The following NEK11 variants were observed in gnomAD, a reference collection of about 807,000 sequenced individuals.
NEK11 encodes the protein NIMA related kinase 11.
NEK11 carries 72 observed loss-of-function variants against 80.7 expected under a neutral mutation model. The ratio of observed to expected loss-of-function variants is 0.89; its 90% CI spans 0.74 to 1.08. The LOEUF (loss-of-function observed/expected upper bound fraction) is 1.08. Among genes scored for constraint, NEK11 ranks in the 50% least tolerant of loss-of-function variants. The probability of loss-of-function intolerance (pLI) is 0.00; values close to 1 mark genes in which losing one functional copy is unlikely to be tolerated. For synonymous variants in NEK11, 251 were observed against 260.7 expected (o/e 0.96, Z 0.36); for missense variants, 764 against 763.6 (o/e 1.00, Z -0.01).
At chr3:131,216,331 T>C (rs1412120178) in intron 14 of NEK11, among the ~76,000 whole-genome samples, 4 of 152,192 alleles carry the variant, frequency 2.6e-5, no homozygotes, top group Admixed American at 2.6e-4. Context: ...GATCTGGGAA[T>C]GTGGGTTGCA....
Position 131,115,944 on chromosome 3 carries a change from T to TTCTTTCTTTCTTTCTTTCTTTCTTTC in NEK11, c.455+6025_455+6050dup, listed in dbSNP as rs1352663402. ...TTTCTTTCTTTCTTTCTTTCTTTCT[T>TTCTTTCTTTCTTTCTTTCTTTCTTTC]TCTTTCTTTCTTTCTTTCTTTCTTT... is the stretch of plus-strand genomic sequence containing the variant. On this transcript the variant is annotated intron_variant, in intron 5 of 17. Transcript: ENST00000383366. 8.3e-4 allele frequency among the ~76,000 whole-genome samples: 101 copies of TTCTTTCTTTCTTTCTTTCTTTCTTTC among 121,748 alleles called. 1 individual carries two copies. Among genetic ancestry groups the TTCTTTCTTTCTTTCTTTCTTTCTTTC allele is most frequent in the Non-Finnish European group, 1.3e-3 (72 of 55,264 alleles). The allele number at this position is 121,748 out of a possible 152,430, so 79.9% of individuals were successfully genotyped here. A position where few individuals can be genotyped will look rare whatever the true frequency, so the allele number is the denominator to read the frequency against.
intron 17 of NEK11, among the ~76,000 whole-genome samples, chr3:131,286,192 C>G (rs2108887969): frequency 6.6e-6 from 1 of 152,282 alleles, no homozygotes; most frequent in East Asian, 1.9e-4. Context: ...AATCCTGCTT[C>G]CAAGCAAACA....
Position 131,080,521 on chromosome 3 carries a change from C to T in NEK11, c.269C>T (p.Ala90Val). The T allele has an allele frequency of 6.2e-7, 1 of 1,614,066 alleles. No homozygotes were observed. Among genetic ancestry groups the T allele is most frequent in the Non-Finnish European group, 8.5e-7 (1 of 1,179,978 alleles). The change falls in exon 4 of 18, where the codon GCC (alanine) becomes GTC (valine). Residue 90 changes from alanine to valine, a missense_variant. By Grantham distance (64) the Ala-to-Val change is moderately conservative. Transcript: ENST00000383366. ...CTCCTCTCCAAGCTGGACCACCCAGCCATTGTCAAGTTCCATGCAAGTTTT... is the reference window on the plus strand; with the variant it reads ...CTCCTCTCCAAGCTGGACCACCCAGTCATTGTCAAGTTCCATGCAAGTTTT... ...AQLLSKLDHP[A>V]IVKFHASFVE...
chr3:131,341,280 T>G (rs1278014371), intron 17 of NEK11, among the ~76,000 whole-genome samples: 1 of 152,236 alleles, frequency 6.6e-6, no homozygotes, highest in Non-Finnish European at 1.5e-5. Flanking sequence ...TGATTTTGTT[T>G]TTGACCCGTA....
chr3:131,331,627 G>A (rs1000539308), intron 17 of NEK11, among the ~76,000 whole-genome samples: 20 of 152,210 alleles, frequency 1.3e-4, no homozygotes, highest in Non-Finnish European at 2.6e-4. Flanking sequence ...TGGGTGCAGC[G>A]CACCGTGCGT....
At chr3:131,243,400 A>G (rs758991546) in intron 15 of NEK11, 36 bp from the exon 16 acceptor site, 45 of 1,593,250 alleles carry the variant, frequency 2.8e-5, no homozygotes, top group Non-Finnish European at 3.5e-5. Context: ...CTTCTACCAT[A>G]CAGGGAAAAT....
At chr3:131,169,989 CT>C (rs1427725647) in intron 13 of NEK11, among the ~76,000 whole-genome samples, 5 of 152,170 alleles carry the variant, frequency 3.3e-5, no homozygotes, top group African/African-American at 1.2e-4. Flanking sequence ...CTTAAAAACA[CT>C]TTATGATGAT....
At chr3:131,027,155 C>T (rs2063986529) in intron 1 of NEK11, 149 bp downstream of exon 1, 1 of 152,268 alleles carries the variant, frequency 6.6e-6, no homozygotes, top group Non-Finnish European at 1.5e-5. Context: ...TCCGGATGTA[C>T]TCCAGTCTCA....
intron 5 of NEK11, among the ~76,000 whole-genome samples, chr3:131,118,812 G>A (rs1240931230): frequency 1.3e-5 from 2 of 151,926 alleles, no homozygotes; most frequent in Non-Finnish European, 2.9e-5. Context: ...TGGGATCGGT[G>A]GTGATATCCC....
chr3:131,153,583 A>G (rs1420515960), intron 9 of NEK11, among the ~76,000 whole-genome samples: 1 of 152,056 alleles, frequency 6.6e-6, no homozygotes, highest in Non-Finnish European at 1.5e-5. Flanking sequence ...GCGTAACTTT[A>G]AGAGGAACCA....
chr3:131,327,329 A>C (rs1056639166), intron 17 of NEK11: 7 of 152,188 alleles, frequency 4.6e-5, no homozygotes, highest in African/African-American at 1.7e-4. Context: ...GAAGGTATGG[A>C]TAAATATTAG....
At chr3:131,057,228 T>C (rs1428431858) in intron 3 of NEK11, among the ~76,000 whole-genome samples, 1 of 151,868 alleles carries the variant, frequency 6.6e-6, no homozygotes, top group Non-Finnish European at 1.5e-5. Context: ...CATCATTTTT[T>C]ATGGCTGCAT....
At chr3:131,133,157 AC>A (rs2084838919) in intron 6 of NEK11, 1 of 427,790 alleles carries the variant, frequency 2.3e-6, no homozygotes, top group African/African-American at 2.1e-5. Flanking sequence ...ATTAGTTACT[AC>A]AGGTTTCTCA....
chr3:131,273,806 T>TA (rs1413595242), intron 17 of NEK11, among the ~76,000 whole-genome samples: 1 of 152,212 alleles, frequency 6.6e-6, no homozygotes, highest in African/African-American at 2.4e-5. Context: ...GATTTGCACT[T>TA]ATAGTATTCT....
At chr3:131,282,857 T>C (rs770554688) in intron 17 of NEK11, among the ~76,000 whole-genome samples, 4 of 151,672 alleles carry the variant, frequency 2.6e-5, no homozygotes, top group Non-Finnish European at 4.4e-5. Flanking sequence ...GTTCCTAAGA[T>C]AGGGTAGTAA....
chr3:131,309,639 A>G (rs924606843), intron 17 of NEK11, among the ~76,000 whole-genome samples: 1 of 152,074 alleles, frequency 6.6e-6, no homozygotes, highest in Admixed American at 6.6e-5. Flanking sequence ...TATCTGCCGA[A>G]GTGGAAGAAT....
intron 17 of NEK11, chr3:131,330,570 G>C (rs927705163): frequency 6.6e-6 from 1 of 152,210 alleles, no homozygotes; most frequent in Non-Finnish European, 1.5e-5. Context: ...GGAGGACCTT[G>C]TTAAGTTTCT....
At chr3:131,155,956 C>G (rs1205169359) in intron 10 of NEK11, among the ~76,000 whole-genome samples, 1 of 152,082 alleles carries the variant, frequency 6.6e-6, no homozygotes, top group African/African-American at 2.4e-5. Flanking sequence ...TTCTTAATAA[C>G]CTTGTTTTTA....
intron 3 of NEK11, among the ~76,000 whole-genome samples, chr3:131,042,497 A>T (rs1025731591): frequency 3.9e-5 from 6 of 152,152 alleles, no homozygotes; most frequent in Admixed American, 6.5e-5. Context: ...AGCTGCCAGG[A>T]AGTTCAAACT....
Sources: allele counts gnomAD v4.1 joint callset (sites outside exome capture counted in the v4.1 genomes callset), GRCh38; gene constraint gnomAD v4.1.1; transcripts MANE v1.5; gene names NCBI Gene and HGNC (gene_info 2026-07-23, HGNC 2026-07-21).